OR8B8: variants seen among roughly 807,000 people sequenced by gnomAD.
OR8B8 encodes the protein olfactory receptor 8B8.
Under a neutral mutation model 10.5 loss-of-function variants are expected in OR8B8, and 8 were observed. The ratio of observed to expected loss-of-function variants is 0.76; its 90% CI spans 0.45 to 1.38. The LOEUF is 1.38. OR8B8 is among the 40% of genes most tolerant of loss of function. OR8B8 has a pLI of 0.00. For missense variants in OR8B8, 390 were observed against 380.5 expected (o/e 1.03, Z -0.21); for synonymous variants, 150 against 145.2 (o/e 1.03, Z -0.24).
intron 2 of OR8B8, 117 bp from the exon 3 acceptor site, chr11:124,441,218 C>G (rs28494999): frequency 0.015 from 10,472 of 706,988 alleles, 539 homozygotes; most frequent in African/African-American, 0.14. Context: ...TGAACTTCAG[C>G]AGAGGGGGCT....
chr11:124,444,911 A>G (rs1471076914), intron 1 of OR8B8, among the ~76,000 whole-genome samples: 1 of 152,194 alleles, frequency 6.6e-6, no homozygotes, highest in African/African-American at 2.4e-5. Context: ...GAGCCTGGGA[A>G]CAATACACTC....
At chr11:124,444,294 A>G (rs1272972247) in intron 1 of OR8B8, among the ~76,000 whole-genome samples, 1 of 152,200 alleles carries the variant, frequency 6.6e-6, no homozygotes, top group Non-Finnish European at 1.5e-5. Context: ...AGGACAAGAA[A>G]CTAAATATGC....
Position 124,440,423 on chromosome 11 carries a change from A to C in OR8B8, c.663T>G (p.Ile221Met). 1 of 1,614,228 alleles carries C rather than the reference A, an allele frequency of 6.2e-7. No homozygotes were observed. Residue 221 changes from isoleucine to methionine, a missense_variant, in exon 3 of 3, where the codon ATT (isoleucine) becomes ATG (methionine). Coordinates refer to ENST00000642064, the MANE Select transcript of OR8B8 (RefSeq NM_012378.2). ...TVTIFISYAL[I>M]LSSIFHIDST... Reference sequence around the variant, plus strand: ...AATCAATGTGGAAGATGCTGGAGAGAATGAGAGCATAGGAAATGAAGATGG... The same window carrying C: ...AATCAATGTGGAAGATGCTGGAGAGCATGAGAGCATAGGAAATGAAGATGG...
In OR8B8 at chr11:124,440,404, T is replaced by C. The variant is rs776621907; in HGVS notation, c.682A>G (p.Ile228Val). The change falls in exon 3 of 3, where the codon ATT becomes GTT. Residue 228 changes from isoleucine to valine, a missense_variant. Transcript: ENST00000642064. ...TTGGACCTGCCCTCCGTGGAATCAA[T>C]GTGGAAGATGCTGGAGAGAATGAGA... Reference protein sequence around the residue: ...YALILSSIFHIDSTEGRSKAF... With the variant: ...YALILSSIFHVDSTEGRSKAF... The C allele has an allele frequency of 1.2e-6, 2 of 1,614,178 alleles. No homozygotes were observed. Among genetic ancestry groups the C allele is most frequent in the Admixed American group, 1.7e-5 (1 of 60,028 alleles).
Position 124,441,042 on chromosome 11 carries a change from G to A in OR8B8, c.44C>T (p.Ala15Val). The A allele has an allele frequency of 6.2e-7, 1 of 1,613,212 alleles. No individual in the cohort carries two copies. The highest frequency in any genetic ancestry group is 8.5e-7 in the Non-Finnish European group (1 of 1,179,978). The change falls in exon 3 of 3, where the codon GCA (alanine) becomes GTA (valine). Residue 15 changes from alanine to valine, a missense_variant. Coordinates refer to ENST00000642064, the MANE Select transcript of OR8B8 (RefSeq NM_012378.2). The part of the protein sequence containing the change: ...NSSFVTQFIL[A>V]GLTDQPGVQI... ...GACTCCCGGTTGGTCAGTTAAGCCT[G>A]CGAGGATAAACTGTGTCACGAAGGA...
In OR8B8 at chr11:124,441,103, T is replaced by A. The variant is rs552488301; in HGVS notation, c.-16-2A>T. 1 of 1,592,952 alleles carries A rather than the reference T, an allele frequency of 6.3e-7. No homozygotes were observed. The highest frequency in any genetic ancestry group is 2.2e-5 in the East Asian group (1 of 44,764). The stretch of plus-strand genomic sequence containing the variant: ...GCAGCCATTGTCATTTAAGGCATTC[T>A]GTGGGGACAAGGGAAAAAGTTATTT... On this transcript the variant is annotated splice_acceptor_variant, in intron 2 of 2. Transcript: ENST00000642064. LOFTEE classifies it low-confidence loss of function (5UTR_SPLICE).
rs1348094435 is a variant in OR8B8 at position 124,439,706 on chromosome 11, G to A, written c.*444C>T. The A allele has an allele frequency of 1.9e-5, 3 of 158,618 alleles. No individual in the cohort carries two copies. The highest frequency in any genetic ancestry group is 1.8e-4 in the East Asian group (1 of 5,424). The allele number at this position is 158,618 out of a possible 1,614,324, so 9.8% of individuals were successfully genotyped here. A position where few individuals can be genotyped will look rare whatever the true frequency, so the allele number is the denominator to read the frequency against. ...ACTTCCTACCTACTTGCAAAAATGC[G>A]ACATTTAAAATTAGCCTTTGAAAAG... On this transcript the variant is annotated 3_prime_UTR_variant, in exon 3 of 3. Coordinates refer to ENST00000642064, the MANE Select transcript of OR8B8 (RefSeq NM_012378.2).
At chr11:124,442,833 T>C (rs893422578) in intron 1 of OR8B8, among the ~76,000 whole-genome samples, 7 of 152,210 alleles carry the variant, frequency 4.6e-5, no homozygotes, top group African/African-American at 1.7e-4. Flanking sequence ...CTAGTTATCA[T>C]TCTTGGAGCC....
rs150153041 is a variant in OR8B8 at position 124,440,960 on chromosome 11, G to T, written c.126C>A (p.Asn42Lys). 4.6e-4 allele frequency: 748 copies of T among 1,614,108 alleles called. 4 individuals carry two copies. The highest frequency in any genetic ancestry group is 8.2e-4 in the Middle Eastern group (5 of 6,062). ...LGFYVVTVVG[N>K]LGLITLIRLN... Reference sequence around the variant, plus strand: ...GCCTTATCAGGGTTATCAAGCCCAGGTTCCCCACCACAGTGACCACGTAGA... The same window carrying T: ...GCCTTATCAGGGTTATCAAGCCCAGTTTCCCCACCACAGTGACCACGTAGA... The change falls in exon 3 of 3, where the codon AAC (asparagine) becomes AAA (lysine). Residue 42 changes from asparagine (N) to lysine (K), a missense_variant. Asn to Lys is a moderately conservative substitution (Grantham distance 94, BLOSUM62 0). Coordinates refer to ENST00000642064, the MANE Select transcript of OR8B8 (RefSeq NM_012378.2).
At position 124,440,228 on chromosome 11, in the gene OR8B8, G is replaced by A. The variant is rs756252815; in HGVS notation, c.858C>T (p.Asn286=). 1.2e-6 allele frequency: 2 copies of A among 1,614,140 alleles called. No individual in the cohort carries two copies. The highest frequency in any genetic ancestry group is 2.2e-5 in the South Asian group (2 of 91,072). Residue 286 remains asparagine (N), a synonymous_variant, in exon 3 of 3, where the codon AAC becomes AAT. Transcript: ENST00000642064. ...TATTCCTCAGGCTATAAATTAATGG[G>A]TTGAGCATGGGCACCACAGTGGTAT... ...LFYTTVVPML[N]PLIYSLRNKD...
chr11:124,443,054 T>G (rs1279736466), intron 1 of OR8B8, among the ~76,000 whole-genome samples: 2 of 152,288 alleles, frequency 1.3e-5, no homozygotes, highest in African/African-American at 4.8e-5. Context: ...TTCACCCTAT[T>G]GATCTGGATG....
Position 124,439,837 on chromosome 11 carries a change from T to C in OR8B8, c.*313A>G, listed in dbSNP as rs1458221528. On this transcript the variant is annotated 3_prime_UTR_variant, in exon 3 of 3. Transcript: ENST00000642064. Reference sequence around the variant, plus strand: ...GAGGGAGGAAGAAAGTGAGCCATAATGAAAAGCAGCCAGTACTGGAAATAA... The same window carrying C: ...GAGGGAGGAAGAAAGTGAGCCATAACGAAAAGCAGCCAGTACTGGAAATAA... 1.7e-5 allele frequency: 4 copies of C among 242,010 alleles called. No homozygotes were observed. The highest frequency in any genetic ancestry group is 2.3e-4 in the South Asian group (2 of 8,888). 15.0% of individuals were successfully genotyped at this position (242,010 alleles called of 1,614,324 possible).
chr11:124,440,270 C>T lies in OR8B8; in HGVS notation c.816G>A (p.Lys272=). 1.2e-6 allele frequency: 2 copies of T among 1,614,156 alleles called. No homozygotes were observed. The highest frequency in any genetic ancestry group is 1.3e-5 in the African/African-American group (1 of 75,024). Residue 272 remains lysine, a synonymous_variant, in exon 3 of 3, where the codon AAG becomes AAA. Coordinates refer to ENST00000642064, the MANE Select transcript of OR8B8 (RefSeq NM_012378.2). ...PFSLLAMNQG[K]VSSLFYTTVV... ...CAGTGGTATAGAATAGGGAAGACAC[C>T]TTGCCCTGGTTCATAGCTAAAAGAG...
chr11:124,444,747 A>ATTT (rs1435098482), intron 1 of OR8B8, among the ~76,000 whole-genome samples: 1 of 152,220 alleles, frequency 6.6e-6, no homozygotes. Context: ...GCCCTGATAA[A>ATTT]TGCTGTAGAA....
rs2134236291 is a variant in OR8B8 at position 124,437,668 on chromosome 11, G to GTGTGCA, written c.*2481_*2482insTGCACA. The GTGTGCA allele has an allele frequency of 9.4e-6, 1 of 106,152 alleles. No individual in the cohort carries two copies. The highest frequency in any genetic ancestry group is 5.4e-5 in the African/African-American group (1 of 18,674). 6.6% of individuals were successfully genotyped at this position (106,152 alleles called of 1,614,324 possible). A position where few individuals can be genotyped will look rare whatever the true frequency, so the allele number is the denominator to read the frequency against. Reference sequence around the variant, plus strand: ...TGTGTGTGTGTGTGTGTGTGTGTGTGCGCGCGCGCGTGCGTGCGTGCTGGG... The same window carrying GTGTGCA: ...TGTGTGTGTGTGTGTGTGTGTGTGTGTGTGCACGCGCGCGCGTGCGTGCGTGCTGGG... On this transcript the variant is annotated 3_prime_UTR_variant, in exon 3 of 3. Coordinates refer to ENST00000642064, the MANE Select transcript of OR8B8 (RefSeq NM_012378.2).
At chr11:124,443,077 T>TCACCCTATTGATCTGGATGTTTAGATA (rs1861492909) in intron 1 of OR8B8, among the ~76,000 whole-genome samples, 1 of 152,026 alleles carries the variant, frequency 6.6e-6, no homozygotes, top group African/African-American at 2.4e-5. Flanking sequence ...TAGGCAGGTT[T>TCACCCTATTGATCTGGATGTTTAGATA]GGGATTCAAT....
At chr11:124,444,604 AT>A (rs1416989930) in intron 1 of OR8B8, among the ~76,000 whole-genome samples, 9 of 152,204 alleles carry the variant, frequency 5.9e-5, no homozygotes, top group Non-Finnish European at 1.2e-4. Context: ...CAAAATGTTC[AT>A]TAATCTCTAA....
In OR8B8 at chr11:124,445,596, C is replaced by T. The variant is rs575859453; in HGVS notation, c.-173G>A. 1.3e-5 allele frequency: 2 copies of T among 152,260 alleles called. No homozygotes were observed. The highest frequency in any genetic ancestry group is 3.9e-4 in the East Asian group (2 of 5,172). The allele number at this position is 152,260 out of a possible 1,614,324, so 9.4% of individuals were successfully genotyped here. On this transcript the variant is annotated 5_prime_UTR_variant, in exon 1 of 3. The change creates a premature stop within an existing upstream ORF in the 5' untranslated region. Transcript: ENST00000642064. The stretch of plus-strand genomic sequence containing the variant: ...CATACCTCAGAGCTTGCTCCTCTGC[C>T]ACATGTGGAATGTATTTTAGTCACT...
Position 124,441,010 on chromosome 11 carries a change from G to T in OR8B8, c.76C>A (p.Pro26Thr). ...AAGCCTAGAAACAGGAAGAAGAGGG[G>T]GATCTGGACTCCCGGTTGGTCAGTT... Reference protein sequence around the residue: ...GLTDQPGVQIPLFFLFLGFYV... With the variant: ...GLTDQPGVQITLFFLFLGFYV... Residue 26 changes from proline (P) to threonine (T), a missense_variant, in exon 3 of 3, where the codon CCC (proline) becomes ACC (threonine). Pro to Thr is a conservative substitution (Grantham distance 38, BLOSUM62 -1). Transcript: ENST00000642064. The T allele has an allele frequency of 6.2e-7, 1 of 1,613,856 alleles. No individual in the cohort carries two copies. The highest frequency in any genetic ancestry group is 8.5e-7 in the Non-Finnish European group (1 of 1,180,020).
Sources: gnomAD v4.1 joint callset for allele counts (sites outside exome capture counted in the v4.1 genomes callset) on GRCh38, gnomAD v4.1.1 for gene constraint, MANE v1.5 for transcripts, NCBI Gene and HGNC (gene_info 2026-07-23, HGNC 2026-07-21) for gene names.